The following SYNJ2 variants were observed in gnomAD, a reference collection of about 807,000 sequenced individuals.
SYNJ2 encodes the protein synaptojanin 2, also known as polyphosphatidylinositol phosphatase SYNJ2.
A neutral mutation model predicts 141.3 loss-of-function variants in SYNJ2; 116 were observed. The observed-to-expected ratio is 0.82, with a 90% CI of 0.71 to 0.96. The LOEUF is 0.96. Ranked by LOEUF, SYNJ2 falls within the 40% of genes least tolerant of loss-of-function variation. The pLI, the probability that SYNJ2 is intolerant of heterozygous loss-of-function variation, is 0.00. For synonymous variants in SYNJ2, 745 were observed against 777.7 expected, an observed-to-expected ratio of 0.96 and a Z score of 0.70; for missense variants, 1,873 against 1,934.8, an observed-to-expected ratio of 0.97 and a Z score of 0.60.
chr6:158,007,729 G>A (rs1778126410), intron 1 of SYNJ2, among the ~76,000 whole-genome samples: 1 of 152,040 alleles, frequency 6.6e-6, no homozygotes, highest in South Asian at 2.1e-4. Flanking sequence ...TGCAACCTCC[G>A]CCTCCCAGGT....
At chr6:158,044,012 T>C (rs557236137) in intron 5 of SYNJ2, among the ~76,000 whole-genome samples, 13 of 152,338 alleles carry the variant, frequency 8.5e-5, no homozygotes, top group Non-Finnish European at 1.5e-4. Context: ...CGCTGCCTCC[T>C]TCACCAGGGT....
intron 13 of SYNJ2, among the ~76,000 whole-genome samples, chr6:158,069,240 T>C (rs767708306): frequency 6.6e-6 from 1 of 152,148 alleles, no homozygotes; most frequent in Non-Finnish European, 1.5e-5. Flanking sequence ...GGCCTGGCTT[T>C]ATTTTAAGGA....
chr6:158,080,477 A>C (rs1782602052), intron 18 of SYNJ2, among the ~76,000 whole-genome samples: 1 of 101,588 alleles, frequency 9.8e-6, no homozygotes, highest in Non-Finnish European at 2.0e-5. Flanking sequence ...TCTGACTCAA[A>C]ATAAAAAAAA....
intron 26 of SYNJ2, among the ~76,000 whole-genome samples, chr6:158,095,072 C>A (rs1394179056): frequency 6.6e-6 from 1 of 151,860 alleles, no homozygotes; most frequent in African/African-American, 2.4e-5. Context: ...TCGCTTGAAC[C>A]TGGGAGGCGG....
chr6:158,086,162 G>T (rs1783023646), intron 22 of SYNJ2, among the ~76,000 whole-genome samples: 1 of 152,136 alleles, frequency 6.6e-6, no homozygotes, highest in Admixed American at 6.5e-5. Context: ...AGGACACATG[G>T]GGTGGAGCTG....
Position 158,032,167 on chromosome 6 carries a change from C to T in SYNJ2, c.486-1288C>T, listed in dbSNP as rs575838537. Reference sequence around the variant, plus strand: ...GTGCATGTGACTGTGCGACCTCAGACGGGGTCAGACGCGGGCTGTGCTCCC... The same window carrying T: ...GTGCATGTGACTGTGCGACCTCAGATGGGGTCAGACGCGGGCTGTGCTCCC... On this transcript the variant is annotated intron_variant, in intron 3 of 26. Coordinates refer to ENST00000355585, the MANE Select transcript of SYNJ2 (RefSeq NM_003898.4). Among the ~76,000 whole-genome samples, 6 of 150,566 alleles carry T rather than the reference C, an allele frequency of 4.0e-5. No individual in the cohort carries two copies. The East Asian group carries it at 9.9e-4, about 25-fold the overall frequency.
At chr6:158,055,513 G>A (rs1462247982) in intron 6 of SYNJ2, among the ~76,000 whole-genome samples, 1 of 151,776 alleles carries the variant, frequency 6.6e-6, no homozygotes, top group African/African-American at 2.4e-5. Context: ...ATGTGTGTGT[G>A]TGTGTGTGTG....
chr6:158,095,839 T>A lies in SYNJ2; in HGVS notation c.3966T>A (p.Pro1322=). The A allele has an allele frequency of 6.2e-7, 1 of 1,614,030 alleles. No homozygotes were observed. Among genetic ancestry groups the A allele is most frequent in the Non-Finnish European group, 8.5e-7 (1 of 1,179,958 alleles). Residue 1322 remains proline, a synonymous_variant, in exon 27 of 27, where the codon CCT becomes CCA. Coordinates refer to ENST00000355585, the MANE Select transcript of SYNJ2 (RefSeq NM_003898.4). ...GGGCAGGAGCCTCTGTGCCACCACC[T>A]CTGGAGGCGCCGCCTCTTGTGCCCA... ...PPGAGASVPP[P]LEAPPLVPKV...
chr6:158,017,658 A>G (rs1583323671), intron 2 of SYNJ2: 1 of 457,940 alleles, frequency 2.2e-6, no homozygotes, highest in Non-Finnish European at 4.5e-6. Flanking sequence ...CAGGTGGTCC[A>G]CCTGCCTCAG....
chr6:158,051,931 G>A (rs12206509), intron 5 of SYNJ2, among the ~76,000 whole-genome samples: 54,475 of 151,098 alleles, frequency 0.36, 10,094 homozygotes, highest in South Asian at 0.43. Context: ...ACTCCAGCCT[G>A]GGCAACAGAG....
At chr6:158,068,886 T>C (rs1200913137) in intron 13 of SYNJ2, among the ~76,000 whole-genome samples, 158 bp downstream of exon 13, 1 of 152,206 alleles carries the variant, frequency 6.6e-6, no homozygotes, top group Admixed American at 6.5e-5. Flanking sequence ...TCCTTCTCTA[T>C]GCTCACACAT....
chr6:158,092,921 T>G lies in SYNJ2; in HGVS notation c.3566-5T>G. 3 of 1,580,932 alleles carry G rather than the reference T, an allele frequency of 1.9e-6. No homozygotes were observed. In the South Asian group the frequency reaches 3.5e-5, roughly 18 times the overall value. ...ACACTTCAGCCATGTGGTTTTATGT[T>G]TCAGGTGCCTCCGAAGAAGCCCTAA... On this transcript the variant is annotated splice_region_variant and splice_polypyrimidine_tract_variant and intron_variant, in intron 25 of 26. Coordinates refer to ENST00000355585, the MANE Select transcript of SYNJ2 (RefSeq NM_003898.4).
In SYNJ2 at chr6:158,007,724, C is replaced by A. The variant is rs377241591; in HGVS notation, c.128-9480C>A. Among the ~76,000 whole-genome samples the A allele has an allele frequency of 2.0e-5, 3 of 152,162 alleles. 1 individual carries two copies. The South Asian group carries it at 6.2e-4, about 31-fold the overall frequency. On this transcript the variant is annotated intron_variant, in intron 1 of 26. Transcript: ENST00000355585. ...GTGGCGTGACCATGGCTCCCTGCAA[C>A]CTCCGCCTCCCAGGTTTAAGCAATT...
intron 1 of SYNJ2, among the ~76,000 whole-genome samples, chr6:158,010,246 G>A (rs551275318): frequency 2.0e-4 from 31 of 152,364 alleles, no homozygotes; most frequent in African/African-American, 6.5e-4. Flanking sequence ...TTCCTGGTGT[G>A]TGTAGACATC....
intron 1 of SYNJ2, among the ~76,000 whole-genome samples, chr6:157,986,276 C>A (rs549485240): frequency 6.6e-6 from 1 of 152,222 alleles, no homozygotes; most frequent in African/African-American, 2.4e-5. Context: ...CCTCTCCTAG[C>A]CGGAGGCTGT....
intron 1 of SYNJ2, among the ~76,000 whole-genome samples, chr6:158,002,745 G>C (rs1318257704): frequency 6.6e-6 from 1 of 152,146 alleles, no homozygotes; most frequent in East Asian, 1.9e-4. Context: ...AGGAGGGTTG[G>C]GGCTACCAGG....
intron 1 of SYNJ2, among the ~76,000 whole-genome samples, chr6:158,004,898 G>A (rs1777994226): frequency 6.7e-6 from 1 of 149,950 alleles, no homozygotes; most frequent in South Asian, 2.1e-4. Context: ...GTCTTCAGTG[G>A]CCACGTCGTT....
At chr6:158,080,448 C>G (rs1562394101) in intron 18 of SYNJ2, among the ~76,000 whole-genome samples, 1 of 149,078 alleles carries the variant, frequency 6.7e-6, no homozygotes, top group Admixed American at 6.7e-5. Flanking sequence ...GCACTCCAGC[C>G]TGGACAACAG....
chr6:157,982,863 T>C lies in SYNJ2; in HGVS notation c.127+775T>C, dbSNP rs73792021. 0.018 allele frequency among the ~76,000 whole-genome samples: 2,806 copies of C among 152,334 alleles called. 87 individuals are homozygous for C. Among genetic ancestry groups the C allele is most frequent in the African/African-American group, 0.064 (2,669 of 41,570 alleles). The stretch of plus-strand genomic sequence containing the variant: ...TCCACCTGACTTTTATGTGGCTGTT[T>C]CTGTAATGTCATTCAATGCGTGGCT... On this transcript the variant is annotated intron_variant, in intron 1 of 26. Coordinates refer to ENST00000355585, the MANE Select transcript of SYNJ2 (RefSeq NM_003898.4). This position sits in a 1 kb window ranked among gnomAD's most constrained non-coding sequence, Gnocchi z 4.0.
Sources: allele counts gnomAD v4.1 joint callset (sites outside exome capture counted in the v4.1 genomes callset), GRCh38; gene constraint gnomAD v4.1.1; non-coding constraint Gnocchi (gnomAD v3.1); transcripts MANE v1.5; gene names NCBI Gene and HGNC (gene_info 2026-07-23, HGNC 2026-07-21).